MICU1: variants seen among roughly 807,000 people sequenced by gnomAD.
MICU1 encodes calcium uptake protein 1, mitochondrial.
Under a neutral mutation model 56.8 loss-of-function variants are expected in MICU1, and 45 were observed. The observed-to-expected ratio is 0.79, with a 90% confidence interval of 0.62 to 1.02. The LOEUF is 1.02. Ranked by LOEUF, MICU1 falls within the 50% of genes least tolerant of loss-of-function variation. The probability of loss-of-function intolerance (pLI) is 0.00; values close to 1 mark genes in which losing one functional copy is unlikely to be tolerated. For missense variants in MICU1, 504 were observed against 587.1 expected, an observed-to-expected ratio of 0.86 and a Z score of 1.46; for synonymous variants, 186 against 195.1, an observed-to-expected ratio of 0.95 and a Z score of 0.39.
chr10:72,572,977 T>C (rs1035689488), intron 1 of MICU1, among the ~76,000 whole-genome samples: 1 of 152,088 alleles, frequency 6.6e-6, no homozygotes, highest in African/African-American at 2.4e-5. Flanking sequence ...CTTGCACACT[T>C]GTGAAATTAT....
chr10:72,538,454 T>C (rs1309396231), intron 4 of MICU1, among the ~76,000 whole-genome samples: 1 of 152,078 alleles, frequency 6.6e-6, no homozygotes, highest in Non-Finnish European at 1.5e-5. Flanking sequence ...CAGAAAAATA[T>C]TTAAAACACT....
At chr10:72,382,276 A>T (rs994749819) in intron 10 of MICU1, among the ~76,000 whole-genome samples, 36 of 143,812 alleles carry the variant, frequency 2.5e-4, no homozygotes, top group African/African-American at 9.2e-4. Flanking sequence ...CGTCCGGCTA[A>T]TTTTTTTTTT....
intron 8 of MICU1, among the ~76,000 whole-genome samples, chr10:72,458,062 G>A (rs544223144): frequency 1.3e-5 from 2 of 151,966 alleles, no homozygotes; most frequent in South Asian, 4.2e-4. Flanking sequence ...AGCTACTCAG[G>A]AGGCTGAGGC....
chr10:72,471,827 C>T (rs1865961025), intron 8 of MICU1, among the ~76,000 whole-genome samples: 2 of 152,222 alleles, frequency 1.3e-5, no homozygotes, highest in South Asian at 2.1e-4. Context: ...AACTCTCACA[C>T]AAACATTGTT....
chr10:72,495,630 G>A (rs1366703183), intron 6 of MICU1, among the ~76,000 whole-genome samples: 1 of 143,238 alleles, frequency 7.0e-6, no homozygotes, highest in African/African-American at 2.6e-5. Context: ...ACTCCAGCCT[G>A]GGCAACAAGA....
chr10:72,606,339 C>T (rs1374995437), intron 1 of MICU1, among the ~76,000 whole-genome samples: 4 of 151,868 alleles, frequency 2.6e-5, no homozygotes, highest in Admixed American at 2.0e-4. Context: ...CAGTGAAACC[C>T]CGTCTCTACT....
intron 8 of MICU1, among the ~76,000 whole-genome samples, chr10:72,459,020 C>A (rs1272878544): frequency 2.0e-5 from 3 of 151,914 alleles, no homozygotes; most frequent in Non-Finnish European, 4.4e-5. Context: ...TGAGCCACTG[C>A]ACCTAGCCTT....
intron 8 of MICU1, among the ~76,000 whole-genome samples, chr10:72,430,908 ATTGT>A (rs1864504392): frequency 6.6e-6 from 1 of 152,088 alleles, no homozygotes; most frequent in Admixed American, 6.6e-5. Flanking sequence ...TAAACAATAT[ATTGT>A]TTACTTTTAC....
chr10:72,484,955 T>C (rs1388435008), intron 6 of MICU1, among the ~76,000 whole-genome samples: 1 of 152,196 alleles, frequency 6.6e-6, no homozygotes, highest in East Asian at 1.9e-4. Flanking sequence ...GCTAGCTATT[T>C]GTTTATGTAT....
At position 72,367,478 on chromosome 10, in the gene MICU1, A is replaced by G. The variant is rs1237199846; in HGVS notation, c.*717T>C. On this transcript the variant is annotated 3_prime_UTR_variant, in exon 12 of 12. Transcript: ENST00000361114. ...AGAGGAAATGGCACTTGCAGGGAAC[A>G]TGAGCTCAATCACTATTGCTCACTA... The G allele has an allele frequency of 6.6e-6, 1 of 152,424 alleles. No homozygotes were observed. The highest frequency in any genetic ancestry group is 1.9e-4 in the East Asian group (1 of 5,340). 9.4% of individuals were successfully genotyped at this position (152,424 alleles called of 1,614,324 possible).
chr10:72,558,692 A>C (rs1163096415), intron 3 of MICU1, among the ~76,000 whole-genome samples: 2 of 152,144 alleles, frequency 1.3e-5, no homozygotes, highest in East Asian at 3.8e-4. Context: ...TATAAGGCCT[A>C]CTTCTGAACA....
At chr10:72,600,411 G>A (rs1033430162) in intron 1 of MICU1, among the ~76,000 whole-genome samples, 5 of 151,962 alleles carry the variant, frequency 3.3e-5, no homozygotes, top group Non-Finnish European at 7.4e-5. Flanking sequence ...CACTTTGGGA[G>A]GCCGAGGTGA....
chr10:72,578,571 A>C (rs1483790163), intron 1 of MICU1, among the ~76,000 whole-genome samples: 2 of 151,754 alleles, frequency 1.3e-5, no homozygotes, highest in Non-Finnish European at 2.9e-5. Flanking sequence ...GGCCCAATAA[A>C]GTATTTTTAA....
chr10:72,518,031 CTTCTT>C (rs1200565306), intron 5 of MICU1, among the ~76,000 whole-genome samples: 1 of 149,070 alleles, frequency 6.7e-6, no homozygotes, highest in Non-Finnish European at 1.5e-5. Flanking sequence ...GTTTTCTTTT[CTTCTT>C]TTTTTTTTTT....
intron 6 of MICU1, among the ~76,000 whole-genome samples, chr10:72,491,039 A>C (rs912848903): frequency 6.6e-6 from 1 of 152,214 alleles, no homozygotes; most frequent in Non-Finnish European, 1.5e-5. Context: ...GAACCGGGAC[A>C]GTCCCATAAA....
At chr10:72,482,480 T>C (rs1866331610) in intron 6 of MICU1, among the ~76,000 whole-genome samples, 1 of 152,182 alleles carries the variant, frequency 6.6e-6, no homozygotes, top group Non-Finnish European at 1.5e-5. Flanking sequence ...TATTCAATGA[T>C]GAGCTTTCCA....
chr10:72,594,596 C>T (rs1048039774), intron 1 of MICU1, among the ~76,000 whole-genome samples: 2 of 152,032 alleles, frequency 1.3e-5, no homozygotes, highest in Non-Finnish European at 2.9e-5. Flanking sequence ...TCAAAAGACA[C>T]TATCAATGGA....
intron 1 of MICU1, among the ~76,000 whole-genome samples, chr10:72,576,731 C>G (rs891807829): frequency 1.3e-5 from 2 of 152,174 alleles, no homozygotes; most frequent in Admixed American, 1.3e-4. Context: ...AAGATGCCAT[C>G]TAGGACTTTC....
chr10:72,452,924 A>AGGT (rs1309676842), intron 8 of MICU1, among the ~76,000 whole-genome samples: 2 of 151,840 alleles, frequency 1.3e-5, no homozygotes, highest in South Asian at 4.2e-4. Context: ...CTGACTGGGA[A>AGGT]GGTGAGTCTT....
Sources: allele counts gnomAD v4.1 joint callset (sites outside exome capture counted in the v4.1 genomes callset), GRCh38; gene constraint gnomAD v4.1.1; transcripts MANE v1.5; gene names NCBI Gene and HGNC (gene_info 2026-07-23, HGNC 2026-07-21).